The following PXN variants were observed in gnomAD, a reference collection of about 807,000 sequenced individuals.
PXN encodes the protein paxillin, also known as testicular tissue protein Li 134.
A neutral mutation model predicts 103.6 loss-of-function variants in PXN; 61 were observed. The ratio of observed to expected loss-of-function variants is 0.59; its 90% CI spans 0.48 to 0.73. The LOEUF (loss-of-function observed/expected upper bound fraction) is 0.73. Among genes scored for constraint, PXN ranks in the 30% least tolerant of loss-of-function variants. The probability of loss-of-function intolerance (pLI) is 0.00; values close to 1 mark genes in which losing one functional copy is unlikely to be tolerated. For synonymous variants in PXN, 562 were observed against 607.8 expected, an observed-to-expected ratio of 0.92 and a Z score of 1.11; for missense variants, 1,274 against 1,460.3, an observed-to-expected ratio of 0.87 and a Z score of 2.08.
rs750364190 is a variant in PXN, at chr12:120,224,328, C to T, written c.63G>A (p.Arg21=). Residue 21 remains arginine, a synonymous_variant, in exon 2 of 15, where the codon CGG becomes CGA. Coordinates refer to ENST00000637617, the MANE Select transcript of PXN (RefSeq NM_001385981.1). The surrounding 1 kb of genome is among the most constrained non-coding windows in gnomAD (Gnocchi z 5.0). ...GGGTCTCCTCCGACAAGAACACAGGCCGTTTGGAGATGTGGGAGGTGGTAG... is the reference window on the plus strand; with the variant it reads ...GGGTCTCCTCCGACAAGAACACAGGTCGTTTGGAGATGTGGGAGGTGGTAG... The part of the protein sequence containing the change: ...LESTTSHISK[R]PVFLSEETPY... 1 of 1,613,986 alleles carries T rather than the reference C, an allele frequency of 6.2e-7. No homozygotes were observed. Among genetic ancestry groups the T allele is most frequent in the Non-Finnish European group, 8.5e-7 (1 of 1,179,880 alleles).
At chr12:120,259,388 C>G (rs1893518947) in intron 1 of PXN, among the ~76,000 whole-genome samples, 1 of 151,954 alleles carries the variant, frequency 6.6e-6, no homozygotes, top group Non-Finnish European at 1.5e-5. Flanking sequence ...CAAGACTCTG[C>G]CTCAAAAATA....
chr12:120,214,251 T>C lies in PXN; in HGVS notation c.2749-34A>G, dbSNP rs1200307315. ...GCAAAATGTGGGATCAAGGCTGAGC[T>C]CTGGGCAGATCTCACAACTGAGACG... is the stretch of plus-strand genomic sequence containing the variant. On this transcript the variant is annotated intron_variant, in intron 12 of 14. Transcript: ENST00000637617. The surrounding 1 kb of genome is among the most constrained non-coding windows in gnomAD (Gnocchi z 5.0). 6.5e-7 allele frequency: 1 copy of C among 1,530,692 alleles called. No individual in the cohort carries two copies. Among genetic ancestry groups the C allele is most frequent in the East Asian group, 2.5e-5 (1 of 40,790 alleles). The allele number at this position is 1,530,692 out of a possible 1,614,324, so 94.8% of individuals were successfully genotyped here.
At position 120,216,593 on chromosome 12, in the gene PXN, A is replaced by G; in HGVS notation, c.1993-12T>C. On this transcript the variant is annotated splice_polypyrimidine_tract_variant and intron_variant, in intron 8 of 14. Transcript: ENST00000637617. This position sits in a 1 kb window ranked among gnomAD's most constrained non-coding sequence, Gnocchi z 5.1. The stretch of plus-strand genomic sequence containing the variant: ...GGAGGGAAGACAACCTGGGGAGAAG[A>G]AAGGAGGGAGAGCGATGAGGAAGAA... 1 of 1,464,014 alleles carries G rather than the reference A, an allele frequency of 6.8e-7. No homozygotes were observed. Among genetic ancestry groups the G allele is most frequent in the South Asian group, 1.3e-5 (1 of 74,732 alleles). The allele number at this position is 1,464,014 out of a possible 1,614,324, so 90.7% of individuals were successfully genotyped here. A position where few individuals can be genotyped will look rare whatever the true frequency, so the allele number is the denominator to read the frequency against.
rs145404705 is a variant in PXN, at chr12:120,242,422, G to A, written c.14-18045C>T. ...CCAGGAAAAAGAGGGGTCAGCCTAA[G>A]CAGGTTATCAGAGGAACCAGATCCT... is the stretch of plus-strand genomic sequence containing the variant. On this transcript the variant is annotated intron_variant, in intron 1 of 14. Coordinates refer to ENST00000637617, the MANE Select transcript of PXN (RefSeq NM_001385981.1). Among the ~76,000 whole-genome samples the A allele has an allele frequency of 2.4e-3, 359 of 152,058 alleles. 3 individuals are homozygous for A. Among genetic ancestry groups the A allele is most frequent in the African/African-American group, 8.2e-3 (339 of 41,474 alleles).
intron 1 of PXN, among the ~76,000 whole-genome samples, chr12:120,242,648 G>C (rs973347251): frequency 1.3e-5 from 2 of 152,122 alleles, no homozygotes; most frequent in African/African-American, 2.4e-5. Flanking sequence ...CACTTTGCGA[G>C]GCAGAGGCGG....
intron 1 of PXN, among the ~76,000 whole-genome samples, chr12:120,232,412 C>T (rs1288154742): frequency 6.6e-6 from 1 of 152,210 alleles, no homozygotes; most frequent in Non-Finnish European, 1.5e-5. Flanking sequence ...ACATTGTGGA[C>T]ACATTTCATT....
Position 120,215,887 on chromosome 12 carries a change from A to G in PXN, c.2302-226T>C. On this transcript the variant is annotated intron_variant, in intron 9 of 14. Transcript: ENST00000637617. This position sits in a 1 kb window ranked among gnomAD's most constrained non-coding sequence, Gnocchi z 4.9. The stretch of plus-strand genomic sequence containing the variant: ...GAGGGGAGTCGACCAAAGGCAGAGG[A>G]AATGGCAAGGGGAGGTGGCCGGGCT... 2.2e-6 allele frequency: 3 copies of G among 1,365,186 alleles called. No homozygotes were observed. Among genetic ancestry groups the G allele is most frequent in the South Asian group, 3.5e-5 (2 of 56,844 alleles). 84.6% of individuals were successfully genotyped at this position (1,365,186 alleles called of 1,614,324 possible). A position where few individuals can be genotyped will look rare whatever the true frequency, so the allele number is the denominator to read the frequency against.
chr12:120,256,106 A>C (rs1405403568), intron 1 of PXN, among the ~76,000 whole-genome samples: 1 of 152,026 alleles, frequency 6.6e-6, no homozygotes, highest in Non-Finnish European at 1.5e-5. Flanking sequence ...GTAAAAGCAG[A>C]AAAGTAAAAA....
chr12:120,212,599 G>C lies in PXN; in HGVS notation c.2980-19C>G. The C allele has an allele frequency of 6.2e-7, 1 of 1,605,520 alleles. No homozygotes were observed. Among genetic ancestry groups the C allele is most frequent in the Non-Finnish European group, 8.5e-7 (1 of 1,175,172 alleles). ...AGCATTCCTGCCAGGCGGAGAGAGG[G>C]GCTCAGGGAGCTGCCCCTCGGGCTA... On this transcript the variant is annotated intron_variant, in intron 14 of 14. Transcript: ENST00000637617. The surrounding 1 kb of genome is among the most constrained non-coding windows in gnomAD (Gnocchi z 7.2).
At chr12:120,236,476 C>CT (rs1051367345) in intron 1 of PXN, among the ~76,000 whole-genome samples, 1,970 of 130,678 alleles carry the variant, frequency 0.015, 45 homozygotes, top group African/African-American at 0.039. Context: ...CCCAGATGAT[C>CT]TTTTTTTTTT....
intron 1 of PXN, among the ~76,000 whole-genome samples, chr12:120,234,283 C>A (rs1247601933): frequency 6.6e-6 from 1 of 152,078 alleles, no homozygotes; most frequent in East Asian, 1.9e-4. Context: ...GTGGTGCATG[C>A]CTGTAATCCC....
intron 1 of PXN, among the ~76,000 whole-genome samples, chr12:120,238,036 A>G (rs1171343410): frequency 6.6e-6 from 1 of 152,216 alleles, no homozygotes; most frequent in Non-Finnish European, 1.5e-5. Context: ...ATTTCTCCGG[A>G]GGCCCGGAGC....
chr12:120,213,562 T>C lies in PXN; in HGVS notation c.2979+280A>G, dbSNP rs1305786013. On this transcript the variant is annotated intron_variant, in intron 14 of 14. Coordinates refer to ENST00000637617, the MANE Select transcript of PXN (RefSeq NM_001385981.1). The surrounding 1 kb of genome is among the most constrained non-coding windows in gnomAD (Gnocchi z 4.2). ...CTGCTAAATACTTGCATTATCTCAT[T>C]TAGTTCTCACACACTCTCCTCCCAA... Among the ~76,000 whole-genome samples, 1 of 152,202 alleles carries C rather than the reference T, an allele frequency of 6.6e-6. No homozygotes were observed. The highest frequency in any genetic ancestry group is 2.4e-5 in the African/African-American group (1 of 41,448).
In PXN at chr12:120,219,443, G is replaced by C. The variant is rs774530939; in HGVS notation, c.1480C>G (p.Pro494Ala). 1 of 1,598,296 alleles carries C rather than the reference G, an allele frequency of 6.3e-7. No individual in the cohort carries two copies. The highest frequency in any genetic ancestry group is 2.2e-5 in the East Asian group (1 of 44,876). The change falls in exon 7 of 15, where the codon CCA becomes GCA. Residue 494 changes from proline to alanine, a missense_variant. Pro to Ala is a conservative substitution (Grantham distance 27). Around this residue, in one of 2 missense-constraint regions of PXN, gnomAD observed 1,178 missense variants for 1,309.0 expected, o/e 0.90. Transcript: ENST00000637617. The surrounding 1 kb of genome is among the most constrained non-coding windows in gnomAD (Gnocchi z 6.5). ...CTGCTTCCCAGCCTCCCTGGCTCTG[G>C]CCTTGGCCTCTCCTGCTGTAGGCCA... ...EHGLQQERPR[P>A]EPGRLGSSSP...
In PXN at chr12:120,224,124, C is replaced by T. The variant is rs1046851901; in HGVS notation, c.240+27G>A. The T allele has an allele frequency of 6.0e-6, 9 of 1,499,770 alleles. No homozygotes were observed. The highest frequency in any genetic ancestry group is 8.1e-6 in the Non-Finnish European group (9 of 1,111,616). The allele number at this position is 1,499,770 out of a possible 1,614,324, so 92.9% of individuals were successfully genotyped here. ...TCCCTCTGTCCCCCAGCCTCCTTGG[C>T]CTTCCCAGCCACTGTCCCCGCCTCA... On this transcript the variant is annotated intron_variant, in intron 2 of 14. Coordinates refer to ENST00000637617, the MANE Select transcript of PXN (RefSeq NM_001385981.1). This position sits in a 1 kb window ranked among gnomAD's most constrained non-coding sequence, Gnocchi z 5.0.
rs901395990 is a variant in PXN at position 120,265,711 on chromosome 12, C to T, written c.-82G>A. On this transcript the variant is annotated 5_prime_UTR_variant, in exon 1 of 15. Transcript: ENST00000637617. The surrounding 1 kb of genome is among the most constrained non-coding windows in gnomAD (Gnocchi z 5.7). Reference sequence around the variant, plus strand: ...CGTCTATGCCCCGCAACTTTTCCGCCGCGAGCCTCGGCCCGGAACGGAACG... The same window carrying T: ...CGTCTATGCCCCGCAACTTTTCCGCTGCGAGCCTCGGCCCGGAACGGAACG... The T allele has an allele frequency of 4.1e-6, 5 of 1,233,144 alleles. No homozygotes were observed. In the African/African-American group the frequency reaches 4.8e-5, roughly 12 times the overall value. 76.4% of individuals were successfully genotyped at this position (1,233,144 alleles called of 1,614,324 possible).
intron 1 of PXN, among the ~76,000 whole-genome samples, chr12:120,237,657 G>C (rs1889350900): frequency 1.3e-5 from 2 of 152,120 alleles, no homozygotes; most frequent in Admixed American, 1.3e-4. Context: ...TGCTCCCCGA[G>C]CTGACCCTCA....
Position 120,238,926 on chromosome 12 carries a change from A to G in PXN, c.14-14549T>C, listed in dbSNP as rs530644749. Among the ~76,000 whole-genome samples, 5 of 152,358 alleles carry G rather than the reference A, an allele frequency of 3.3e-5. No individual in the cohort carries two copies. In the South Asian group the frequency reaches 1.0e-3, roughly 32 times the overall value. ...TCCTAAGCTAAACTTCCCAAGGACA[A>G]GAAATCCCGTGCTTCTGCCCCCTAA... On this transcript the variant is annotated intron_variant, in intron 1 of 14. Transcript: ENST00000637617.
At chr12:120,245,656 C>T (rs1012758306) in intron 1 of PXN, among the ~76,000 whole-genome samples, 5 of 151,496 alleles carry the variant, frequency 3.3e-5, no homozygotes, top group Non-Finnish European at 5.9e-5. Flanking sequence ...GGTGTTGTGG[C>T]GGGCACCTGT....
Sources: gnomAD v4.1 joint callset for allele counts (sites outside exome capture counted in the v4.1 genomes callset) on GRCh38, gnomAD v4.1.1 for gene constraint, gnomAD v4.1.1 regional missense constraint, Gnocchi (gnomAD v3.1) non-coding constraint, MANE v1.5 for transcripts, NCBI Gene and HGNC (gene_info 2026-07-23, HGNC 2026-07-21) for gene names.